SPTLC2: variants seen among roughly 807,000 people sequenced by gnomAD.
SPTLC2 encodes serine palmitoyltransferase long chain base subunit 2, also known as serine palmitoyltransferase 2.
A neutral mutation model predicts 62.0 loss-of-function variants in SPTLC2; 21 were observed. The ratio of observed to expected loss-of-function variants is 0.34; its 90% CI spans 0.24 to 0.49. SPTLC2 has a LOEUF of 0.49. Among genes scored for constraint, SPTLC2 ranks in the 20% least tolerant of loss-of-function variants. SPTLC2 has a pLI of 0.99. For missense variants in SPTLC2, 511 were observed against 713.0 expected (o/e 0.72, Z 3.23); for synonymous variants, 261 against 261.8 (o/e 1.00, Z 0.03).
chr14:77,592,293 C>G (rs745333425), intron 2 of SPTLC2, among the ~76,000 whole-genome samples: 3 of 152,014 alleles, frequency 2.0e-5, no homozygotes, highest in Non-Finnish European at 4.4e-5. Context: ...CACCACCACG[C>G]CTGGCTAATT....
chr14:77,603,446 C>T (rs565389838), intron 1 of SPTLC2, among the ~76,000 whole-genome samples: 55 of 152,296 alleles, frequency 3.6e-4, no homozygotes, highest in Non-Finnish European at 6.6e-4. Flanking sequence ...TGGCCTCTCC[C>T]TACTGCATAT....
rs1161908728 is a variant in SPTLC2 at position 77,510,154 on chromosome 14, A to T, written c.*2130T>A. 6 of 387,916 alleles carry T rather than the reference A, an allele frequency of 1.5e-5. No individual in the cohort carries two copies. Among genetic ancestry groups the T allele is most frequent in the Admixed American group, 4.5e-5 (1 of 22,432 alleles). 24.0% of individuals were successfully genotyped at this position (387,916 alleles called of 1,614,324 possible). On this transcript the variant is annotated 3_prime_UTR_variant, in exon 12 of 12. Transcript: ENST00000216484. ...ATTTAGTTACCACAACCTCCTTCTT[A>T]CTTTAACCTATACATGCTAAATATA... is the stretch of plus-strand genomic sequence containing the variant.
intron 1 of SPTLC2, among the ~76,000 whole-genome samples, 166 bp from the exon 2 acceptor site, chr14:77,597,546 G>A (rs546837069): frequency 2.0e-5 from 3 of 152,052 alleles, no homozygotes; most frequent in South Asian, 4.2e-4. Flanking sequence ...AGGCTGAGGC[G>A]GGCAGATCAC....
intron 4 of SPTLC2, among the ~76,000 whole-genome samples, chr14:77,575,179 C>T (rs12586884): frequency 0.27 from 40,884 of 152,016 alleles, 5,988 homozygotes; most frequent in Non-Finnish European, 0.32. Context: ...CTGACTGCAC[C>T]ACCGCACTCC....
At chr14:77,532,510 C>T (rs570941010) in intron 9 of SPTLC2, among the ~76,000 whole-genome samples, 16 of 152,194 alleles carry the variant, frequency 1.1e-4, no homozygotes, top group African/African-American at 3.4e-4. Context: ...CTGGGCTGGG[C>T]GCGGTGGCTC....
intron 4 of SPTLC2, among the ~76,000 whole-genome samples, chr14:77,575,697 ACTTTAT>A (rs747350804): frequency 6.4e-4 from 97 of 152,268 alleles, no homozygotes; most frequent in Non-Finnish European, 1.1e-3. Flanking sequence ...ACGTTCGGCT[ACTTTAT>A]CTTTATTTTT....
At chr14:77,595,089 C>G (rs1007002075) in intron 2 of SPTLC2, among the ~76,000 whole-genome samples, 2 of 152,132 alleles carry the variant, frequency 1.3e-5, no homozygotes, top group African/African-American at 4.8e-5. Context: ...GTGGGCCAGG[C>G]ACAGTGGCTC....
intron 4 of SPTLC2, among the ~76,000 whole-genome samples, chr14:77,574,547 G>A (rs751731814): frequency 2.6e-5 from 4 of 152,080 alleles, no homozygotes; most frequent in Non-Finnish European, 4.4e-5. Flanking sequence ...GTACACCCAC[G>A]TTCACAGCAG....
intron 9 of SPTLC2, among the ~76,000 whole-genome samples, chr14:77,527,685 G>C (rs550191678): frequency 1.3e-5 from 2 of 152,076 alleles, no homozygotes; most frequent in East Asian, 1.9e-4. Context: ...TCCTAGATAG[G>C]TGTGACTTAG....
At chr14:77,512,457 T>C in intron 11 of SPTLC2, 54 bp from the exon 12 acceptor site, 1 of 1,613,686 alleles carries the variant, frequency 6.2e-7, no homozygotes, top group Non-Finnish European at 8.5e-7. Flanking sequence ...GATGCAGGCA[T>C]GCCTGGTGTT....
intron 5 of SPTLC2, among the ~76,000 whole-genome samples, chr14:77,565,223 C>CA (rs2079638010): frequency 1.9e-5 from 1 of 51,630 alleles, no homozygotes; most frequent in Non-Finnish European, 3.4e-5. Context: ...GCCAGGGCAA[C>CA]AAGAGCAAAA....
At chr14:77,551,713 T>A (rs1245328663) in intron 9 of SPTLC2, among the ~76,000 whole-genome samples, 1 of 152,190 alleles carries the variant, frequency 6.6e-6, no homozygotes, top group Admixed American at 6.5e-5. Context: ...AGGCATTAAA[T>A]CAGGAATACT....
At chr14:77,615,325 G>C (rs1301888394) in intron 1 of SPTLC2, among the ~76,000 whole-genome samples, 1 of 152,176 alleles carries the variant, frequency 6.6e-6, no homozygotes. Context: ...CTGGAAAAAT[G>C]CTTTATTTTC....
At position 77,579,573 on chromosome 14, in the gene SPTLC2, ACT is replaced by A. The variant is rs1473206851; in HGVS notation, c.328-466_328-465del. 5.9e-5 allele frequency among the ~76,000 whole-genome samples: 9 copies of A among 152,102 alleles called. No homozygotes were observed. In the East Asian group the frequency reaches 1.7e-3, roughly 29 times the overall value. On this transcript the variant is annotated intron_variant, in intron 2 of 11. Coordinates refer to ENST00000216484, the MANE Select transcript of SPTLC2 (RefSeq NM_004863.4). ...GGACAAGCCTGGGCAACATAGCGAG[ACT>A]CTGTCTCAACAAAAACATTTTAAAA...
intron 1 of SPTLC2, among the ~76,000 whole-genome samples, chr14:77,606,070 G>A (rs1208194645): frequency 2.0e-5 from 3 of 152,316 alleles, no homozygotes; most frequent in Admixed American, 6.5e-5. Flanking sequence ...AGTGGCTCAC[G>A]TCTGTAGTTC....
At chr14:77,556,665 T>C (rs1159201084) in intron 7 of SPTLC2, among the ~76,000 whole-genome samples, 3 of 152,166 alleles carry the variant, frequency 2.0e-5, no homozygotes, top group Non-Finnish European at 4.4e-5. Flanking sequence ...GTGTTGGGAT[T>C]ACAGGCGTGA....
In SPTLC2 at chr14:77,546,736, A is replaced by G. The variant is rs2079530078; in HGVS notation, c.1303+5360T>C. On this transcript the variant is annotated intron_variant, in intron 9 of 11. Coordinates refer to ENST00000216484, the MANE Select transcript of SPTLC2 (RefSeq NM_004863.4). The stretch of plus-strand genomic sequence containing the variant: ...TTGATAAGTGTTTAACAAATGGTAA[A>G]ACACTTTTTTTTTTTGGAGATGGAG... Among the ~76,000 whole-genome samples, 3 of 51,988 alleles carry G rather than the reference A, an allele frequency of 5.8e-5. No homozygotes were observed. In the Admixed American group the frequency reaches 1.1e-3, roughly 19 times the overall value. The allele number at this position is 51,988 out of a possible 152,430, so 34.1% of individuals were successfully genotyped here.
At chr14:77,605,565 C>T (rs912554263) in intron 1 of SPTLC2, among the ~76,000 whole-genome samples, 2 of 152,184 alleles carry the variant, frequency 1.3e-5, no homozygotes, top group African/African-American at 4.8e-5. Flanking sequence ...AAAGTGCCAG[C>T]CATTTCCTCT....
At chr14:77,579,898 A>T (rs1444985696) in intron 2 of SPTLC2, among the ~76,000 whole-genome samples, 1 of 152,230 alleles carries the variant, frequency 6.6e-6, no homozygotes, top group Non-Finnish European at 1.5e-5. Context: ...GTAGAGCACA[A>T]GAATGTAAAT....
Sources: allele counts gnomAD v4.1 joint callset (sites outside exome capture counted in the v4.1 genomes callset), GRCh38; gene constraint gnomAD v4.1.1; transcripts MANE v1.5; gene names NCBI Gene and HGNC (gene_info 2026-07-23, HGNC 2026-07-21).